ECE1: variants seen among roughly 807,000 people sequenced by gnomAD.
ECE1 encodes the protein endothelin-converting enzyme 1.
A neutral mutation model predicts 98.6 loss-of-function variants in ECE1; 35 were observed. That is an observed-to-expected ratio of 0.35 (90% CI 0.27 to 0.47). The LOEUF is 0.47. Ranked by LOEUF, ECE1 falls within the 20% of genes least tolerant of loss-of-function variation. ECE1 has a pLI of 1.00. For synonymous variants in ECE1, 394 were observed against 407.1 expected (o/e 0.97, Z 0.39); for missense variants, 814 against 1,025.3 (o/e 0.79, Z 2.81).
intron 4 of ECE1, among the ~76,000 whole-genome samples, chr1:21,268,447 A>G (rs1220356299): frequency 6.6e-6 from 1 of 152,254 alleles, no homozygotes; most frequent in African/African-American, 2.4e-5. Flanking sequence ...AGGTCATGCC[A>G]CAGTGGCACC....
intron 4 of ECE1, chr1:21,267,245 C>T (rs1257187086): frequency 6.6e-6 from 1 of 152,354 alleles, no homozygotes; most frequent in African/African-American, 2.4e-5. Flanking sequence ...CTGTTGTTTA[C>T]AAATTATCCA....
chr1:21,268,759 G>T (rs542142325), intron 4 of ECE1, among the ~76,000 whole-genome samples: 2 of 152,274 alleles, frequency 1.3e-5, no homozygotes, highest in East Asian at 3.9e-4. Flanking sequence ...CTTTGTCTTG[G>T]AGACGCTGAA....
chr1:21,256,827 C>G (rs2098220550), intron 7 of ECE1: 1 of 155,468 alleles, frequency 6.4e-6, no homozygotes, highest in African/African-American at 2.4e-5. Flanking sequence ...TTCACTTTCT[C>G]TTAGTTAAAT....
At position 21,243,413 on chromosome 1, in the gene ECE1, A is replaced by C. The variant is rs900044900; in HGVS notation, c.1278+1576T>G. Among the ~76,000 whole-genome samples the C allele has an allele frequency of 8.0e-4, 121 of 151,754 alleles. 1 individual carries two copies. The highest frequency in any genetic ancestry group is 2.9e-3 in the African/African-American group (120 of 41,302). ...ACATAAATATATTAAAAAAAAAAAA[A>C]AAACAGAGACAGGATCTTGCTGTTT... On this transcript the variant is annotated intron_variant, in intron 10 of 18. Transcript: ENST00000374893.
At chr1:21,314,278 G>T (rs1172059528) in intron 1 of ECE1, among the ~76,000 whole-genome samples, 1 of 152,114 alleles carries the variant, frequency 6.6e-6, no homozygotes, top group African/African-American at 2.4e-5. Flanking sequence ...CTGGGAAGGG[G>T]GCGCTGGCTA....
At chr1:21,335,583 G>C in intron 1 of ECE1, among the ~76,000 whole-genome samples, 1 of 152,222 alleles carries the variant, frequency 6.6e-6, no homozygotes, top group East Asian at 1.9e-4. Context: ...TGGGTGGGGG[G>C]CTCTCACGGC....
rs1223891257 is a variant in ECE1 at position 21,248,785 on chromosome 1, T to C, written c.1021-1422A>G. On this transcript the variant is annotated intron_variant, in intron 8 of 18. Coordinates refer to ENST00000374893, the MANE Select transcript of ECE1 (RefSeq NM_001397.3). ...GATTACAGGTGTGAGCCACCACTCC[T>C]GGCTAATTTTTGTATTTTTAGTAGA... Among the ~76,000 whole-genome samples the C allele has an allele frequency of 1.6e-4, 25 of 151,968 alleles. No homozygotes were observed. The East Asian group carries it at 4.1e-3, about 25-fold the overall frequency.
chr1:21,222,181 C>A (rs2098168311), intron 17 of ECE1: 1 of 348,356 alleles, frequency 2.9e-6, no homozygotes. Flanking sequence ...CATGCACACA[C>A]ACACACATAC....
upstream of ECE1, among the ~76,000 whole-genome samples, chr1:21,291,742 G>A (rs1002468862): frequency 1.3e-5 from 2 of 152,016 alleles, no homozygotes; most frequent in Admixed American, 6.6e-5. Context: ...CAGAAGAATC[G>A]CTTGAACCCA....
intron 13 of ECE1, among the ~76,000 whole-genome samples, chr1:21,234,683 T>C (rs889128587): frequency 6.6e-6 from 1 of 152,166 alleles, no homozygotes; most frequent in Admixed American, 6.5e-5. Context: ...CTCACTATGT[T>C]GCCCGGGCTG....
At chr1:21,257,408 A>ACCTGATG (rs2098221208) in intron 7 of ECE1, 117 bp downstream of exon 7, 2 of 1,125,866 alleles carry the variant, frequency 1.8e-6, no homozygotes. Context: ...TTCACCCATC[A>ACCTGATG]GGTCACTGAC....
intron 11 of ECE1, 151 bp from the exon 12 acceptor site, chr1:21,236,995 A>C (rs911406225): frequency 1.3e-6 from 1 of 777,506 alleles, no homozygotes; most frequent in African/African-American, 1.7e-5. Flanking sequence ...CTGTGCTTCC[A>C]AACCACGCTC....
intron 2 of ECE1, among the ~76,000 whole-genome samples, chr1:21,283,727 A>AC (rs1201207222): frequency 6.6e-6 from 1 of 152,220 alleles, no homozygotes; most frequent in East Asian, 1.9e-4. Context: ...AGTGGAGCTG[A>AC]CCCTCACTGT....
At chr1:21,343,366 C>A (rs1162106461) in intron 1 of ECE1, among the ~76,000 whole-genome samples, 1 of 152,206 alleles carries the variant, frequency 6.6e-6, no homozygotes, top group Non-Finnish European at 1.5e-5. Flanking sequence ...GATAAACTTT[C>A]ATTCGTCTTC....
At chr1:21,318,014 C>T (rs1323897407) in intron 1 of ECE1, among the ~76,000 whole-genome samples, 1 of 152,244 alleles carries the variant, frequency 6.6e-6, no homozygotes, top group Non-Finnish European at 1.5e-5. Flanking sequence ...GGGCCTGCCC[C>T]TCCAAGGTGC....
chr1:21,270,250 C>T (rs1206661862), intron 4 of ECE1, among the ~76,000 whole-genome samples: 2 of 152,250 alleles, frequency 1.3e-5, no homozygotes, highest in African/African-American at 4.8e-5. Flanking sequence ...ATGGGAACAA[C>T]AATTCCGAAG....
In ECE1 at chr1:21,219,887, G is replaced by A; in HGVS notation, c.*68C>T. 3.1e-6 allele frequency: 5 copies of A among 1,599,348 alleles called. No homozygotes were observed. Among genetic ancestry groups the A allele is most frequent in the Non-Finnish European group, 4.3e-6 (5 of 1,171,568 alleles). ...GGCCAAGCGGGCTGAGCAATGCCCT[G>A]GAGGCTGGATGGGGGTCTCGTCCTC... On this transcript the variant is annotated 3_prime_UTR_variant, in exon 19 of 19. Coordinates refer to ENST00000374893, the MANE Select transcript of ECE1 (RefSeq NM_001397.3). This position sits in a 1 kb window ranked among gnomAD's most constrained non-coding sequence, Gnocchi z 4.5.
rs774738246 is a variant in ECE1, at chr1:21,256,079, G to A, written c.888C>T (p.Asp296=). The A allele has an allele frequency of 2.2e-5, 35 of 1,610,268 alleles. No homozygotes were observed. The East Asian group carries it at 3.4e-4, about 15-fold the overall frequency. ...GCATCTGGGGCCGGATGGCCTCCTC[G>A]TCCCCGCCGCCCAGCAGCTTCCCCA... ...VQLGKLLGGG[D]EEAIRPQMQQ... The change falls in exon 8 of 19, where the codon GAC becomes GAT. Residue 296 remains aspartate (D), a synonymous_variant. Transcript: ENST00000374893.
chr1:21,331,476 A>G (rs1320862977), intron 1 of ECE1, among the ~76,000 whole-genome samples: 1 of 151,888 alleles, frequency 6.6e-6, no homozygotes, highest in East Asian at 1.9e-4. Context: ...CAGTTACTCG[A>G]GAGGCTGAGG....
Sources: allele counts gnomAD v4.1 joint callset (sites outside exome capture counted in the v4.1 genomes callset), GRCh38; gene constraint gnomAD v4.1.1; non-coding constraint Gnocchi (gnomAD v3.1); transcripts MANE v1.5; gene names NCBI Gene and HGNC (gene_info 2026-07-23, HGNC 2026-07-21).